The following HS2ST1 variants were observed in gnomAD, a reference collection of about 807,000 sequenced individuals.
The protein encoded by HS2ST1 is 2-O-sulfotransferase.
In HS2ST1, 18 loss-of-function variants were observed where a neutral mutation model predicts 42.9. That is an observed-to-expected ratio of 0.42 (90% CI 0.29 to 0.62). HS2ST1 has a LOEUF of 0.62. HS2ST1 is among the 20% of genes least tolerant of loss of function. HS2ST1 has a pLI of 0.21. For synonymous variants in HS2ST1, 146 were observed against 152.9 expected, an observed-to-expected ratio of 0.95 and a Z score of 0.33; for missense variants, 334 against 433.8, an observed-to-expected ratio of 0.77 and a Z score of 2.04.
At chr1:86,975,596 A>C (rs983944320) in intron 1 of HS2ST1, among the ~76,000 whole-genome samples, 1 of 152,174 alleles carries the variant, frequency 6.6e-6, no homozygotes, top group Admixed American at 6.5e-5. Flanking sequence ...TAGTTAATAA[A>C]ATTTTGTTGA....
intron 1 of HS2ST1, among the ~76,000 whole-genome samples, chr1:86,982,476 A>G (rs1181316919): frequency 6.6e-6 from 1 of 152,162 alleles, no homozygotes; most frequent in Non-Finnish European, 1.5e-5. Flanking sequence ...TTTCTTTGTG[A>G]ACAATATGAC....
rs1395813002 is a variant in HS2ST1 at position 86,921,382 on chromosome 1, CT to C, written c.124+6230del. 5.3e-5 allele frequency among the ~76,000 whole-genome samples: 8 copies of C among 151,962 alleles called. No homozygotes were observed. In the East Asian group the frequency reaches 7.7e-4, roughly 15 times the overall value. ...GTCATGTCTTCTTGATGGACCAACC[CT>C]TTTTTTTATACAAGATACCATCTTT... On this transcript the variant is annotated intron_variant, in intron 1 of 6. Coordinates refer to ENST00000370550, the MANE Select transcript of HS2ST1 (RefSeq NM_012262.4).
At chr1:87,004,339 C>A (rs924652343) in intron 1 of HS2ST1, among the ~76,000 whole-genome samples, 1 of 151,994 alleles carries the variant, frequency 6.6e-6, no homozygotes, top group Non-Finnish European at 1.5e-5. Flanking sequence ...TGCAGCGAGC[C>A]GAGATCACGC....
At chr1:87,018,141 CACACACACACACACACACACACAG>C (rs1475755187) in intron 1 of HS2ST1, among the ~76,000 whole-genome samples, 3 of 6,694 alleles carry the variant, frequency 4.5e-4, no homozygotes, top group South Asian at 0.029. Context: ...GCCACACACA[CACACACACACACACACACACACAG>C]ACACACACAC....
In HS2ST1 at chr1:86,964,860, G is replaced by A. The variant is rs561922989; in HGVS notation, c.124+49700G>A. On this transcript the variant is annotated intron_variant, in intron 1 of 6. Transcript: ENST00000370550. ...TTGTTTTGTGATTAGCAGCAATAAT[G>A]TTAGTAATAGTAGATACACTCTCTT... Among the ~76,000 whole-genome samples, 4 of 152,288 alleles carry A rather than the reference G, an allele frequency of 2.6e-5. No homozygotes were observed. The East Asian group carries it at 5.8e-4, about 22-fold the overall frequency.
chr1:87,046,912 T>C (rs985553145), intron 1 of HS2ST1, among the ~76,000 whole-genome samples: 10 of 150,018 alleles, frequency 6.7e-5, no homozygotes, highest in African/African-American at 2.5e-4. Context: ...TTCACCATAT[T>C]GTCCAGGCTG....
At chr1:87,038,387 A>G (rs183836808) in intron 1 of HS2ST1, among the ~76,000 whole-genome samples, 3 of 152,286 alleles carry the variant, frequency 2.0e-5, no homozygotes, top group East Asian at 1.9e-4. Flanking sequence ...ATACATGTAA[A>G]TAATTAAACT....
At chr1:86,971,470 T>G (rs1221801894) in intron 1 of HS2ST1, among the ~76,000 whole-genome samples, 1 of 152,168 alleles carries the variant, frequency 6.6e-6, no homozygotes, top group Admixed American at 6.5e-5. Context: ...ATATATAAAT[T>G]GGACCTAGGG....
At chr1:86,951,639 G>C (rs1428861603) in intron 1 of HS2ST1, among the ~76,000 whole-genome samples, 1 of 152,220 alleles carries the variant, frequency 6.6e-6, no homozygotes, top group Non-Finnish European at 1.5e-5. Context: ...ACTAATCAGA[G>C]TGGTGGCTGG....
intron 1 of HS2ST1, among the ~76,000 whole-genome samples, chr1:87,025,024 C>A (rs1022616916): frequency 8.5e-5 from 13 of 152,138 alleles, no homozygotes; most frequent in Non-Finnish European, 1.5e-5. Context: ...AGCCATGATT[C>A]CTTCAGTAAA....
At chr1:86,958,926 G>A (rs369500184) in intron 1 of HS2ST1, among the ~76,000 whole-genome samples, 4 of 152,154 alleles carry the variant, frequency 2.6e-5, no homozygotes, top group African/African-American at 7.2e-5. Flanking sequence ...TGCAAGGCTG[G>A]TTCAACATGT....
At chr1:87,020,548 C>T (rs1649912183) in intron 1 of HS2ST1, among the ~76,000 whole-genome samples, 1 of 152,112 alleles carries the variant, frequency 6.6e-6, no homozygotes, top group Admixed American at 6.5e-5. Flanking sequence ...GGCCCTTTCT[C>T]TTTAGGTCTG....
intron 1 of HS2ST1, among the ~76,000 whole-genome samples, chr1:86,918,262 A>AG (rs1337936132): frequency 1.3e-5 from 2 of 152,134 alleles, no homozygotes; most frequent in African/African-American, 4.8e-5. Flanking sequence ...TTTTTAAAAA[A>AG]CAAATATGGC....
chr1:87,104,133 A>G (rs545676772), intron 6 of HS2ST1, among the ~76,000 whole-genome samples: 1 of 152,304 alleles, frequency 6.6e-6, no homozygotes, highest in Admixed American at 6.5e-5. Context: ...ACAGTTTGAC[A>G]ATAGGTATTT....
chr1:87,107,193 T>G lies in HS2ST1; in HGVS notation c.*2497T>G, dbSNP rs1421122245. 6.6e-6 allele frequency: 1 copy of G among 152,176 alleles called. No homozygotes were observed. The highest frequency in any genetic ancestry group is 2.4e-5 in the African/African-American group (1 of 41,564). 9.4% of individuals were successfully genotyped at this position (152,176 alleles called of 1,614,324 possible). A position where few individuals can be genotyped will look rare whatever the true frequency, so the allele number is the denominator to read the frequency against. On this transcript the variant is annotated 3_prime_UTR_variant, in exon 7 of 7. Transcript: ENST00000370550. ...CTCTACTCTAGATGCCTAAAAGAGT[T>G]TATATACTTCTAAAAGCTCCTAACT...
At chr1:87,052,498 A>G (rs187835310) in intron 1 of HS2ST1, among the ~76,000 whole-genome samples, 32 of 152,284 alleles carry the variant, frequency 2.1e-4, no homozygotes, top group Admixed American at 1.0e-3. Flanking sequence ...GAATTAATTA[A>G]TGTTGCATTT....
rs922020377 is a variant in HS2ST1 at position 87,109,314 on chromosome 1, G to A, written c.*4618G>A. 5 of 152,026 alleles carry A rather than the reference G, an allele frequency of 3.3e-5. No homozygotes were observed. The highest frequency in any genetic ancestry group is 3.3e-4 in the Admixed American group (5 of 15,230). The allele number at this position is 152,026 out of a possible 1,614,324, so 9.4% of individuals were successfully genotyped here. The stretch of plus-strand genomic sequence containing the variant: ...CATCAAGAAAGCATGCAACATCATT[G>A]GTTTCTAATGATTTTATGGCTTGTG... On this transcript the variant is annotated 3_prime_UTR_variant, in exon 7 of 7. Coordinates refer to ENST00000370550, the MANE Select transcript of HS2ST1 (RefSeq NM_012262.4).
At chr1:86,985,014 TA>T (rs1410990373) in intron 1 of HS2ST1, among the ~76,000 whole-genome samples, 1 of 151,732 alleles carries the variant, frequency 6.6e-6, no homozygotes, top group Non-Finnish European at 1.5e-5. Context: ...TATAGGAAAT[TA>T]AAAAGATATA....
chr1:87,004,549 G>A (rs977723428), intron 1 of HS2ST1, among the ~76,000 whole-genome samples: 2 of 152,082 alleles, frequency 1.3e-5, no homozygotes, highest in Admixed American at 1.3e-4. Flanking sequence ...CATACAGCAA[G>A]TACTGTTTAT....
Sources: allele counts gnomAD v4.1 joint callset (sites outside exome capture counted in the v4.1 genomes callset), GRCh38; gene constraint gnomAD v4.1.1; transcripts MANE v1.5; gene names NCBI Gene and HGNC (gene_info 2026-07-23, HGNC 2026-07-21).